CNTNAP2: variants seen among roughly 807,000 people sequenced by gnomAD.
CNTNAP2 encodes the protein contactin-associated protein-like 2.
A neutral mutation model predicts 155.2 loss-of-function variants in CNTNAP2; 98 were observed. The ratio of observed to expected loss-of-function variants is 0.63; its 90% CI spans 0.54 to 0.75. The LOEUF is 0.75. Among genes scored for constraint, CNTNAP2 ranks in the 30% least tolerant of loss-of-function variants. The probability of loss-of-function intolerance (pLI) is 0.00; values close to 1 mark genes in which losing one functional copy is unlikely to be tolerated. For missense variants in CNTNAP2, 1,727 were observed against 1,688.1 expected, an observed-to-expected ratio of 1.02 and a Z score of -0.40; for synonymous variants, 651 against 631.2, an observed-to-expected ratio of 1.03 and a Z score of -0.47.
chr7:146,488,571 A>G (rs1020957991), intron 1 of CNTNAP2, among the ~76,000 whole-genome samples: 3 of 151,524 alleles, frequency 2.0e-5, no homozygotes, highest in Admixed American at 2.0e-4. Flanking sequence ...TCAACCATTC[A>G]CTGCTGCCTA....
intron 1 of CNTNAP2, among the ~76,000 whole-genome samples, chr7:146,206,562 C>G (rs6464737): frequency 0.29 from 44,139 of 151,614 alleles, 7,299 homozygotes; most frequent in African/African-American, 0.45. Context: ...CATTAATATA[C>G]AATGCATCTT....
chr7:147,413,368 C>G (rs972290424), intron 10 of CNTNAP2, among the ~76,000 whole-genome samples: 3 of 152,174 alleles, frequency 2.0e-5, no homozygotes, highest in South Asian at 4.1e-4. Flanking sequence ...TAAGACAACA[C>G]TCTCTAAAGA....
chr7:147,620,371 A>G (rs1801370110), intron 12 of CNTNAP2, among the ~76,000 whole-genome samples: 1 of 152,218 alleles, frequency 6.6e-6, no homozygotes, highest in Non-Finnish European at 1.5e-5. Context: ...AAACAGAGAT[A>G]TGTGACTTTT....
intron 1 of CNTNAP2, among the ~76,000 whole-genome samples, chr7:146,185,212 A>T (rs1435584380): frequency 6.6e-6 from 1 of 152,184 alleles, no homozygotes; most frequent in Non-Finnish European, 1.5e-5. Context: ...AGATTGTAAG[A>T]AAGAAGATTA....
At chr7:148,100,766 C>T (rs949928327) in intron 15 of CNTNAP2, among the ~76,000 whole-genome samples, 7 of 152,056 alleles carry the variant, frequency 4.6e-5, no homozygotes, top group Non-Finnish European at 8.8e-5. Context: ...CTATTTGAAA[C>T]TCTTTATAAA....
At position 147,546,910 on chromosome 7, in the gene CNTNAP2, C is replaced by A. The variant is rs1414606250; in HGVS notation, c.1778-15228C>A. The stretch of plus-strand genomic sequence containing the variant: ...TGCATGCATGAGGCCACATCAATTT[C>A]TGAGACTAACCCTGCTCTGCAGTAT... On this transcript the variant is annotated intron_variant, in intron 11 of 23. Transcript: ENST00000361727. Among the ~76,000 whole-genome samples the A allele has an allele frequency of 3.3e-5, 5 of 152,294 alleles. No individual in the cohort carries two copies. In the East Asian group the frequency reaches 9.7e-4, roughly 29 times the overall value.
intron 14 of CNTNAP2, among the ~76,000 whole-genome samples, chr7:147,956,388 T>C (rs1371891089): frequency 6.6e-6 from 1 of 151,546 alleles, no homozygotes; most frequent in Admixed American, 6.6e-5. Flanking sequence ...GGATGCAAAA[T>C]AGAAATTCTG....
At chr7:147,616,598 C>T (rs1490690011) in intron 12 of CNTNAP2, among the ~76,000 whole-genome samples, 3 of 152,114 alleles carry the variant, frequency 2.0e-5, no homozygotes, top group African/African-American at 7.2e-5. Flanking sequence ...TCATATCATT[C>T]CGAAATTTGC....
chr7:147,528,173 G>A (rs551959733), intron 11 of CNTNAP2, among the ~76,000 whole-genome samples: 16 of 147,754 alleles, frequency 1.1e-4, no homozygotes, highest in Non-Finnish European at 1.8e-4. Context: ...TTTCTGAGGT[G>A]GGAAGCTGTT....
At chr7:146,689,990 T>A (rs1800669084) in intron 1 of CNTNAP2, among the ~76,000 whole-genome samples, 1 of 151,474 alleles carries the variant, frequency 6.6e-6, no homozygotes, top group African/African-American at 2.4e-5. Context: ...TTAATATTTT[T>A]ATTAATTTTT....
intron 21 of CNTNAP2, among the ~76,000 whole-genome samples, chr7:148,290,796 T>G (rs796610635): frequency 6.6e-6 from 1 of 152,236 alleles, no homozygotes; most frequent in Admixed American, 6.5e-5. Context: ...CCTGGTGCTA[T>G]TCTGGCTCTA....
chr7:146,922,566 T>C (rs2129220407), intron 3 of CNTNAP2, among the ~76,000 whole-genome samples: 1 of 152,254 alleles, frequency 6.6e-6, no homozygotes, highest in South Asian at 2.1e-4. Context: ...TAAAGACCTA[T>C]GAATAGGTGA....
At chr7:146,845,222 TA>T (rs1195008644) in intron 3 of CNTNAP2, among the ~76,000 whole-genome samples, 2 of 152,202 alleles carry the variant, frequency 1.3e-5, no homozygotes, top group African/African-American at 4.8e-5. Context: ...ACTTTCTTTT[TA>T]ATTACATATT....
chr7:147,912,846 C>A lies in CNTNAP2; in HGVS notation c.2255+9125C>A, dbSNP rs1800090157. On this transcript the variant is annotated intron_variant, in intron 14 of 23. Transcript: ENST00000361727. ...CTGATTGATAGTGCAATAATTAAAT[C>A]CCTTAAGGAGGAAATTCCCAGCTTA... 4.6e-5 allele frequency among the ~76,000 whole-genome samples: 7 copies of A among 152,282 alleles called. No homozygotes were observed. The South Asian group carries it at 1.5e-3, about 32-fold the overall frequency.
rs6945540 is a variant in CNTNAP2 at position 147,470,897 on chromosome 7, C to T, written c.1671-15038C>T. 6.6e-3 allele frequency among the ~76,000 whole-genome samples: 1,011 copies of T among 152,092 alleles called. 9 individuals are homozygous for T. The highest frequency in any genetic ancestry group is 0.023 in the African/African-American group (947 of 41,466). On this transcript the variant is annotated intron_variant, in intron 10 of 23. Coordinates refer to ENST00000361727, the MANE Select transcript of CNTNAP2 (RefSeq NM_014141.6). The stretch of plus-strand genomic sequence containing the variant: ...AGAGAGGAGGCAAGCAGCCCAAGGT[C>T]GAGCTCGGGGGCACACCGATGTTTT...
chr7:147,750,342 T>C (rs1330672582), intron 13 of CNTNAP2, among the ~76,000 whole-genome samples: 1 of 152,220 alleles, frequency 6.6e-6, no homozygotes, highest in African/African-American at 2.4e-5. Context: ...TATGTGTATG[T>C]CTGCATAGAG....
chr7:148,022,723 T>G (rs1324035718), intron 15 of CNTNAP2, among the ~76,000 whole-genome samples: 1 of 148,274 alleles, frequency 6.7e-6, no homozygotes, highest in African/African-American at 2.5e-5. Context: ...GGTTTTTTTT[T>G]GGACTCTGCG....
chr7:146,334,292 G>C (rs939392555), intron 1 of CNTNAP2, among the ~76,000 whole-genome samples: 6 of 152,112 alleles, frequency 3.9e-5, no homozygotes, highest in African/African-American at 1.4e-4. Flanking sequence ...TGAGCTGGGC[G>C]TGGTGGCAGG....
intron 18 of CNTNAP2, among the ~76,000 whole-genome samples, chr7:148,179,498 C>A (rs1391946832): frequency 7.1e-6 from 1 of 139,962 alleles, no homozygotes; most frequent in Non-Finnish European, 1.5e-5. Context: ...CAGAGCAAGA[C>A]TGAGGAAAGA....
Sources: allele counts gnomAD v4.1 joint callset (sites outside exome capture counted in the v4.1 genomes callset), GRCh38; gene constraint gnomAD v4.1.1; transcripts MANE v1.5; gene names NCBI Gene and HGNC (gene_info 2026-07-23, HGNC 2026-07-21).